KAT6A: variants seen among roughly 807,000 people sequenced by gnomAD.
KAT6A encodes the protein lysine acetyltransferase 6A.
A neutral mutation model predicts 198.4 loss-of-function variants in KAT6A; 9 were observed. That is an observed-to-expected ratio of 0.05 (90% CI 0.03 to 0.08). KAT6A has a LOEUF of 0.08. Among genes scored for constraint, KAT6A ranks in the 10% least tolerant of loss-of-function variants. KAT6A has a pLI of 1.00. For missense variants in KAT6A, 2,077 were observed against 2,509.9 expected (o/e 0.83, Z 3.69); for synonymous variants, 890 against 883.0 (o/e 1.01, Z -0.14).
At chr8:42,038,363 C>G (rs1827478822) in intron 2 of KAT6A, among the ~76,000 whole-genome samples, 1 of 152,180 alleles carries the variant, frequency 6.6e-6, no homozygotes, top group Non-Finnish European at 1.5e-5. Flanking sequence ...AAAACTCTAA[C>G]AAGAGTGTAT....
rs1233418464 is a variant in KAT6A at position 41,943,101 on chromosome 8, T to G, written c.2229-101A>C. On this transcript the variant is annotated intron_variant, in intron 13 of 16. Transcript: ENST00000265713. Reference sequence around the variant, plus strand: ...CTGGTGAAGCATGTAAGATGATAGGTGCTGCAAAGATAGCCTGCCTGGGAC... The same window carrying G: ...CTGGTGAAGCATGTAAGATGATAGGGGCTGCAAAGATAGCCTGCCTGGGAC... The G allele has an allele frequency of 4.5e-5, 66 of 1,454,450 alleles. No individual in the cohort carries two copies. The South Asian group carries it at 8.3e-4, about 18-fold the overall frequency. The allele number at this position is 1,454,450 out of a possible 1,614,324, so 90.1% of individuals were successfully genotyped here.
At chr8:41,980,964 T>C (rs781626031) in intron 4 of KAT6A, 37 bp from the exon 5 acceptor site, 6 of 1,367,262 alleles carry the variant, frequency 4.4e-6, no homozygotes, top group Non-Finnish European at 6.2e-6. Context: ...TGCTTAACCT[T>C]ATGAAGCAGA....
intron 2 of KAT6A, among the ~76,000 whole-genome samples, chr8:41,996,985 A>G (rs769391651): frequency 2.0e-5 from 3 of 152,188 alleles, no homozygotes; most frequent in Non-Finnish European, 2.9e-5. Flanking sequence ...ACAAATTCAT[A>G]GAGACAGAAA....
chr8:41,933,260 G>A lies in KAT6A; in HGVS notation c.4960C>T (p.Pro1654Ser), dbSNP rs1264564304. 1 of 1,555,692 alleles carries A rather than the reference G, an allele frequency of 6.4e-7. No individual in the cohort carries two copies. The highest frequency in any genetic ancestry group is 8.7e-7 in the Non-Finnish European group (1 of 1,153,928). Residue 1654 changes from proline (P) to serine (S), a missense_variant, in exon 17 of 17, where the codon CCG becomes TCG. By Grantham distance (74) the Pro-to-Ser change is moderately conservative. This residue lies in a region of KAT6A where 500 missense variants were observed against 577.2 expected (regional missense o/e 0.87). Transcript: ENST00000265713. This position sits in a 1 kb window ranked among gnomAD's most constrained non-coding sequence, Gnocchi z 6.2. Reference sequence around the variant, plus strand: ...GGCGGCTGTGGCTGCTGTGGAGGCGGTGGTGGCGGCTGCTGCTGCTGGTTA... The same window carrying A: ...GGCGGCTGTGGCTGCTGTGGAGGCGATGGTGGCGGCTGCTGCTGCTGGTTA... ...PSNQQQQPPP[P>S]PPQQPQPPPP...
At chr8:42,009,064 T>C (rs932422886) in intron 2 of KAT6A, among the ~76,000 whole-genome samples, 2 of 152,192 alleles carry the variant, frequency 1.3e-5, no homozygotes, top group Admixed American at 1.3e-4. Context: ...AAATCACATA[T>C]CATCATTCAC....
Position 41,935,705 on chromosome 8 carries a change from G to C in KAT6A, c.3353-838C>G, listed in dbSNP as rs1000566223. Among the ~76,000 whole-genome samples the C allele has an allele frequency of 4.1e-4, 63 of 152,130 alleles. 1 individual carries two copies. Among genetic ancestry groups the C allele is most frequent in the African/African-American group, 1.5e-3 (62 of 41,526 alleles). ...CCAAGACAAGAACATGATGCAGTGG[G>C]GGCACGGCTAAAAAGGCACAGTTAG... On this transcript the variant is annotated intron_variant, in intron 16 of 16. Coordinates refer to ENST00000265713, the MANE Select transcript of KAT6A (RefSeq NM_006766.5).
chr8:41,970,013 G>T (rs1408656881), intron 8 of KAT6A, among the ~76,000 whole-genome samples: 1 of 152,134 alleles, frequency 6.6e-6, no homozygotes, highest in African/African-American at 2.4e-5. Flanking sequence ...CAGCAAGGTA[G>T]CCCAGCCCGT....
At chr8:41,954,490 A>G (rs1229451618) in intron 9 of KAT6A, among the ~76,000 whole-genome samples, 1 of 152,220 alleles carries the variant, frequency 6.6e-6, no homozygotes, top group East Asian at 1.9e-4. Context: ...TAGTTTATAG[A>G]TTAGAGAGCA....
intron 8 of KAT6A, among the ~76,000 whole-genome samples, chr8:41,966,443 C>T (rs186115794): frequency 2.6e-5 from 4 of 152,188 alleles, no homozygotes; most frequent in African/African-American, 9.6e-5. Flanking sequence ...GTACAGTCCA[C>T]GGTTTCAGGC....
chr8:41,985,534 T>C (rs1379445545), intron 3 of KAT6A, among the ~76,000 whole-genome samples: 2 of 152,228 alleles, frequency 1.3e-5, no homozygotes, highest in Non-Finnish European at 2.9e-5. Flanking sequence ...ACCGTATCCA[T>C]GCTTCTCCCT....
At chr8:41,996,312 A>C (rs1483556017) in intron 2 of KAT6A, among the ~76,000 whole-genome samples, 6 of 152,170 alleles carry the variant, frequency 3.9e-5, no homozygotes, top group Admixed American at 3.9e-4. Flanking sequence ...AAAAGCTACA[A>C]AATTTCTCAA....
At chr8:41,987,412 T>G in intron 3 of KAT6A, 43 bp downstream of exon 3, 1 of 1,237,180 alleles carries the variant, frequency 8.1e-7, no homozygotes, top group Non-Finnish European at 1.2e-6. Context: ...TCCGCTTGCC[T>G]TCGTAACACA....
At chr8:41,978,856 A>T in intron 5 of KAT6A, 79 bp from the exon 6 acceptor site, 1 of 1,355,536 alleles carries the variant, frequency 7.4e-7, no homozygotes, top group Non-Finnish European at 1.0e-6. Context: ...TTAAGTCAGG[A>T]TCTTAACTTT....
intron 2 of KAT6A, among the ~76,000 whole-genome samples, chr8:42,024,559 T>C (rs1395251202): frequency 6.6e-6 from 1 of 152,190 alleles, no homozygotes; most frequent in East Asian, 1.9e-4. Context: ...TGTATGTTTG[T>C]ACCCATTAAC....
chr8:42,034,817 C>T (rs1827291042), intron 2 of KAT6A, among the ~76,000 whole-genome samples: 2 of 152,168 alleles, frequency 1.3e-5, no homozygotes, highest in Admixed American at 6.5e-5. Flanking sequence ...TATATTAACT[C>T]ATTAAATTCT....
At chr8:42,019,081 G>T (rs918981179) in intron 2 of KAT6A, among the ~76,000 whole-genome samples, 1 of 152,022 alleles carries the variant, frequency 6.6e-6, no homozygotes, top group Non-Finnish European at 1.5e-5. Flanking sequence ...ACACAAAAAG[G>T]CAACATATCA....
chr8:41,993,388 A>G (rs1441695610), intron 2 of KAT6A, among the ~76,000 whole-genome samples: 1 of 152,252 alleles, frequency 6.6e-6, no homozygotes, highest in East Asian at 1.9e-4. Context: ...GTGTGAAAAT[A>G]AAGCTGAAAA....
intron 1 of KAT6A, among the ~76,000 whole-genome samples, chr8:42,050,546 GAAAGA>G (rs900401680): frequency 3.3e-5 from 5 of 152,136 alleles, no homozygotes; most frequent in African/African-American, 1.2e-4. Flanking sequence ...ACTCTGATAG[GAAAGA>G]AAAGAGTGAA....
At chr8:42,007,910 T>A (rs1247217648) in intron 2 of KAT6A, among the ~76,000 whole-genome samples, 4 of 131,040 alleles carry the variant, frequency 3.1e-5, no homozygotes, top group Non-Finnish European at 6.1e-5. Flanking sequence ...TGCAGTGAGC[T>A]GAGATCGTGC....
Sources: allele counts gnomAD v4.1 joint callset (sites outside exome capture counted in the v4.1 genomes callset), GRCh38; gene constraint gnomAD v4.1.1; regional missense constraint gnomAD v4.1.1; non-coding constraint Gnocchi (gnomAD v3.1); transcripts MANE v1.5; gene names NCBI Gene and HGNC (gene_info 2026-07-23, HGNC 2026-07-21).